The following PPP1R12A variants were observed in gnomAD, a reference collection of about 807,000 sequenced individuals.
PPP1R12A encodes the protein protein phosphatase 1 regulatory subunit 12A.
A neutral mutation model predicts 139.6 loss-of-function variants in PPP1R12A; 19 were observed. That is an observed-to-expected ratio of 0.14 (90% CI 0.09 to 0.20). PPP1R12A has a LOEUF of 0.20. Among genes scored for constraint, PPP1R12A ranks in the 10% least tolerant of loss-of-function variants. The pLI is 1.00. For synonymous variants in PPP1R12A, 427 were observed against 420.6 expected (o/e 1.02, Z -0.19); for missense variants, 925 against 1,211.5 (o/e 0.76, Z 3.51).
chr12:79,840,025 A>T (rs1369819377), intron 3 of PPP1R12A, among the ~76,000 whole-genome samples: 2 of 152,088 alleles, frequency 1.3e-5, no homozygotes, highest in Non-Finnish European at 2.9e-5. Context: ...TATCAAATGA[A>T]CATCATGAAG....
chr12:79,880,284 T>C (rs1217425446), intron 1 of PPP1R12A, among the ~76,000 whole-genome samples: 1 of 152,140 alleles, frequency 6.6e-6, no homozygotes, highest in Non-Finnish European at 1.5e-5. Flanking sequence ...GGTCCCTACA[T>C]ATTTGAGCAT....
chr12:79,873,241 T>A (rs1882748734), intron 1 of PPP1R12A, among the ~76,000 whole-genome samples: 1 of 152,142 alleles, frequency 6.6e-6, no homozygotes, highest in African/African-American at 2.4e-5. Flanking sequence ...ATAGTCTCTA[T>A]AGCAGTGGTT....
chr12:79,789,772 G>T (rs932282846), intron 20 of PPP1R12A: 4 of 350,998 alleles, frequency 1.1e-5, no homozygotes, highest in Admixed American at 9.1e-5. Context: ...TTTGAATTAG[G>T]TGACACTTTT....
intron 23 of PPP1R12A, chr12:79,779,958 CT>C (rs1870219392): frequency 6.5e-6 from 1 of 152,744 alleles, no homozygotes; most frequent in Non-Finnish European, 1.5e-5. Context: ...AATCCCAGCA[CT>C]TTGGGAGGCC....
chr12:79,918,202 T>C (rs1356024918), intron 1 of PPP1R12A, among the ~76,000 whole-genome samples: 2 of 152,156 alleles, frequency 1.3e-5, no homozygotes, highest in Non-Finnish European at 2.9e-5. Flanking sequence ...CTGCGTTTTT[T>C]CTGTATGTTC....
chr12:79,845,180 C>T, intron 3 of PPP1R12A, 122 bp downstream of exon 3: 1 of 711,904 alleles, frequency 1.4e-6, no homozygotes, highest in Non-Finnish European at 2.4e-6. Context: ...TATTGTTTTG[C>T]AAGCTGAATT....
chr12:79,844,264 C>T (rs1430571444), intron 3 of PPP1R12A, among the ~76,000 whole-genome samples: 1 of 152,142 alleles, frequency 6.6e-6, no homozygotes, highest in Non-Finnish European at 1.5e-5. Flanking sequence ...TAACTGCAGA[C>T]TCGCATATTC....
intron 1 of PPP1R12A, among the ~76,000 whole-genome samples, chr12:79,932,017 A>AT (rs1280641002): frequency 6.6e-6 from 1 of 152,230 alleles, no homozygotes; most frequent in African/African-American, 2.4e-5. Context: ...TTTCAAAAGC[A>AT]TATTTGTGGG....
Position 79,817,475 on chromosome 12 carries a change from A to G in PPP1R12A, c.1158T>C (p.Ser386=). 1 of 1,606,336 alleles carries G rather than the reference A, an allele frequency of 6.2e-7. No individual in the cohort carries two copies. The highest frequency in any genetic ancestry group is 8.5e-7 in the Non-Finnish European group (1 of 1,175,508). The change falls in exon 9 of 25, where the codon TCT becomes TCC. Residue 386 remains serine, a synonymous_variant. Transcript: ENST00000450142. Reference sequence around the variant, plus strand: ...CAGCTACAGGAGCTGCTTGTGTACTAGAAGTGTTGGCATTAGTTACAGAAG... The same window carrying G: ...CAGCTACAGGAGCTGCTTGTGTACTGGAAGTGTTGGCATTAGTTACAGAAG... ...PLASVTNANT[S]STQAAPVAVT... is the part of the protein sequence containing the mutation.
At chr12:79,933,698 T>G (rs1393227363) in intron 1 of PPP1R12A, among the ~76,000 whole-genome samples, 1 of 152,270 alleles carries the variant, frequency 6.6e-6, no homozygotes, top group Non-Finnish European at 1.5e-5. Flanking sequence ...GTGTTGCTTT[T>G]GGCCTGTTAA....
chr12:79,788,176 A>T (rs1175364574), intron 21 of PPP1R12A: 1 of 152,556 alleles, frequency 6.6e-6, no homozygotes, highest in African/African-American at 2.4e-5. Flanking sequence ...TCCTTCTCCA[A>T]CAGACTTTAT....
intron 2 of PPP1R12A, among the ~76,000 whole-genome samples, chr12:79,848,432 G>A (rs1042934894): frequency 6.6e-6 from 1 of 152,042 alleles, no homozygotes; most frequent in African/African-American, 2.4e-5. Flanking sequence ...TACAAAGATT[G>A]AGAATAAAAG....
chr12:79,793,454 T>C (rs1430002521), intron 19 of PPP1R12A, among the ~76,000 whole-genome samples: 1 of 152,258 alleles, frequency 6.6e-6, no homozygotes, highest in African/African-American at 2.4e-5. Flanking sequence ...AATCTGAGCC[T>C]ACTACTTCTG....
chr12:79,844,899 C>T (rs1879201339), intron 3 of PPP1R12A, among the ~76,000 whole-genome samples: 1 of 152,146 alleles, frequency 6.6e-6, no homozygotes, highest in African/African-American at 2.4e-5. Context: ...TGCTCTTTCC[C>T]CAGATCATCA....
At chr12:79,821,643 C>CAG (rs1592668361) in intron 6 of PPP1R12A, among the ~76,000 whole-genome samples, 1 of 151,808 alleles carries the variant, frequency 6.6e-6, no homozygotes, top group East Asian at 1.9e-4. Context: ...GTCCGAGCTA[C>CAG]TCAGGAGGCT....
At chr12:79,846,596 A>ATTT (rs74933339) in intron 2 of PPP1R12A, among the ~76,000 whole-genome samples, 2 of 127,720 alleles carry the variant, frequency 1.6e-5, no homozygotes, top group South Asian at 4.7e-4. Context: ...CGCGTGGCTC[A>ATTT]TTTTTTTTTT....
chr12:79,801,437 T>C (rs1166808379), intron 14 of PPP1R12A, among the ~76,000 whole-genome samples: 1 of 150,668 alleles, frequency 6.6e-6, no homozygotes, highest in African/African-American at 2.4e-5. Context: ...AATTCATTTT[T>C]TTAGCCTAAC....
chr12:79,873,921 T>C (rs1882832642), intron 1 of PPP1R12A, among the ~76,000 whole-genome samples: 2 of 152,202 alleles, frequency 1.3e-5, no homozygotes, highest in African/African-American at 4.8e-5. Flanking sequence ...ACAGTTAGTC[T>C]AACTTTGATT....
At chr12:79,788,378 T>A (rs1210736882) in intron 21 of PPP1R12A, 2 of 292,974 alleles carry the variant, frequency 6.8e-6, no homozygotes, top group South Asian at 1.2e-4. Context: ...TGTGTATACA[T>A]TTGTGTGCAC....
Sources: gnomAD v4.1 joint callset for allele counts (sites outside exome capture counted in the v4.1 genomes callset) on GRCh38, gnomAD v4.1.1 for gene constraint, MANE v1.5 for transcripts, NCBI Gene and HGNC (gene_info 2026-07-23, HGNC 2026-07-21) for gene names.